WNK2: variants seen among roughly 807,000 people sequenced by gnomAD.
The protein encoded by WNK2 is WNK lysine deficient protein kinase 2, also known as serine/threonine-protein kinase WNK2.
WNK2 carries 67 observed loss-of-function variants against 192.1 expected under a neutral mutation model. The observed-to-expected ratio is 0.35, with a 90% CI of 0.29 to 0.43. The LOEUF (loss-of-function observed/expected upper bound fraction) is 0.43. Ranked by LOEUF, WNK2 falls within the 20% of genes least tolerant of loss-of-function variation. The pLI, the probability that WNK2 is intolerant of heterozygous loss-of-function variation, is 1.00. For synonymous variants in WNK2, 1,439 were observed against 1,393.9 expected, an observed-to-expected ratio of 1.03 and a Z score of -0.72; for missense variants, 2,698 against 3,089.7, an observed-to-expected ratio of 0.87 and a Z score of 3.01.
At chr9:93,199,227 C>T (rs969625380) in intron 2 of WNK2, among the ~76,000 whole-genome samples, 1 of 152,216 alleles carries the variant, frequency 6.6e-6, no homozygotes, top group African/African-American at 2.4e-5. Flanking sequence ...AGTGGGCCAC[C>T]TCTCTCCCAT....
intron 18 of WNK2, 35 bp from the exon 19 acceptor site, chr9:93,268,592 C>A (rs1281392868): frequency 1.3e-6 from 2 of 1,590,010 alleles, no homozygotes; most frequent in Non-Finnish European, 8.6e-7. Flanking sequence ...AAGGCGCTCA[C>A]TCACTCAGCG....
intron 29 of WNK2, among the ~76,000 whole-genome samples, chr9:93,320,109 G>A (rs974810297): frequency 1.3e-5 from 2 of 152,208 alleles, no homozygotes; most frequent in Non-Finnish European, 2.9e-5. Context: ...TGCTCCAGAC[G>A]GTACAGGAGC....
chr9:93,261,936 T>C lies in WNK2; in HGVS notation c.3189T>C (p.Pro1063=). 1.2e-6 allele frequency: 2 copies of C among 1,609,848 alleles called. No individual in the cohort carries two copies. The highest frequency in any genetic ancestry group is 1.7e-6 in the Non-Finnish European group (2 of 1,179,180). ...PLPEVLLPAA[P]ELLPQFPSSL... ...CGGAAGTGCTGCTGCCTGCCGCCCC[T>C]GAGCTCCTGCCTCAGTTCCCCAGCT... is the stretch of plus-strand genomic sequence containing the variant. The change falls in exon 13 of 30, where the codon CCT becomes CCC. Residue 1063 remains proline (P), a synonymous_variant. Transcript: ENST00000427277.
chr9:93,251,683 C>T (rs984718397), intron 8 of WNK2, among the ~76,000 whole-genome samples: 1 of 152,092 alleles, frequency 6.6e-6, no homozygotes, highest in Non-Finnish European at 1.5e-5. Flanking sequence ...GCACTCCAGT[C>T]CAGATGACAG....
intron 18 of WNK2, among the ~76,000 whole-genome samples, chr9:93,268,316 G>A (rs1010043813): frequency 6.6e-6 from 1 of 152,158 alleles, no homozygotes; most frequent in Non-Finnish European, 1.5e-5. Context: ...GAGCTTCGGG[G>A]GCTGCCAGTG....
chr9:93,264,952 C>G (rs900406604), intron 16 of WNK2, among the ~76,000 whole-genome samples: 5 of 152,242 alleles, frequency 3.3e-5, no homozygotes, highest in African/African-American at 1.2e-4. Context: ...GGCTGCATCC[C>G]CCTGGCCACC....
At chr9:93,233,001 G>A in intron 4 of WNK2, among the ~76,000 whole-genome samples, 1 of 146,908 alleles carries the variant, frequency 6.8e-6, no homozygotes, top group Admixed American at 6.8e-5. Context: ...GGGAAGGAAG[G>A]AAAGAGAGAG....
rs532511334 is a variant in WNK2 at position 93,276,498 on chromosome 9, A to G, written c.4033+7752A>G. Among the ~76,000 whole-genome samples, 9 of 152,368 alleles carry G rather than the reference A, an allele frequency of 5.9e-5. No homozygotes were observed. In the South Asian group the frequency reaches 1.9e-3, roughly 32 times the overall value. ...AGTTTTATAAGGAAACATTGGAGAA[A>G]AATCATTTTTGATCTGTGCCAGGCA... On this transcript the variant is annotated intron_variant, in intron 19 of 29. Coordinates refer to ENST00000427277, the MANE Select transcript of WNK2 (RefSeq NM_006648.4).
At position 93,185,604 on chromosome 9, in the gene WNK2, G is replaced by A; in HGVS notation, c.675G>A (p.Glu225=). ...TETWVEVAWC[E]LQDRKLTKLE... ...CCTGGGTGGAGGTGGCCTGGTGTGA[G>A]CTGCAGGTGAGGGTGCCCCAGCCCG... Residue 225 remains glutamate, a synonymous_variant, in exon 2 of 30, where the codon GAG becomes GAA. Transcript: ENST00000427277. The A allele has an allele frequency of 1.9e-6, 3 of 1,609,894 alleles. No individual in the cohort carries two copies. The highest frequency in any genetic ancestry group is 1.1e-5 in the South Asian group (1 of 90,506).
chr9:93,311,259 G>A (rs1457520597), intron 28 of WNK2, among the ~76,000 whole-genome samples: 2 of 152,156 alleles, frequency 1.3e-5, no homozygotes, highest in Non-Finnish European at 2.9e-5. Flanking sequence ...CCTTTCCTTT[G>A]AAGGCTGAGT....
chr9:93,209,409 C>T (rs897648778), intron 2 of WNK2, among the ~76,000 whole-genome samples: 6 of 152,208 alleles, frequency 3.9e-5, no homozygotes, highest in African/African-American at 1.2e-4. Context: ...CATGGAACAC[C>T]TCAGCCCTTG....
intron 7 of WNK2, among the ~76,000 whole-genome samples, chr9:93,241,130 G>A (rs1448785186): frequency 6.6e-6 from 1 of 152,260 alleles, no homozygotes; most frequent in African/African-American, 2.4e-5. Flanking sequence ...ACTGCTGCCT[G>A]AGAACCCTAG....
At chr9:93,297,260 G>C (rs529795534) in intron 23 of WNK2, among the ~76,000 whole-genome samples, 1 of 151,716 alleles carries the variant, frequency 6.6e-6, no homozygotes, top group South Asian at 2.1e-4. Context: ...TGCCTCGGCA[G>C]TTCTAGACTC....
Position 93,229,609 on chromosome 9 carries a change from A to C in WNK2, c.682-87A>C. 2.7e-6 allele frequency: 4 copies of C among 1,459,074 alleles called. No individual in the cohort carries two copies. The South Asian group carries it at 5.4e-5, about 20-fold the overall frequency. 90.4% of individuals were successfully genotyped at this position (1,459,074 alleles called of 1,614,324 possible). A position where few individuals can be genotyped will look rare whatever the true frequency, so the allele number is the denominator to read the frequency against. ...TGTGGGTATGGGAAGGGCTGGTCCT[A>C]CTGTGTGGCGCTGCTGGGATGTGAC... is the stretch of plus-strand genomic sequence containing the variant. On this transcript the variant is annotated intron_variant, in intron 2 of 29. Transcript: ENST00000427277. This position sits in a 1 kb window ranked among gnomAD's most constrained non-coding sequence, Gnocchi z 4.9.
chr9:93,244,070 G>T (rs1841249633), intron 7 of WNK2, among the ~76,000 whole-genome samples: 1 of 152,234 alleles, frequency 6.6e-6, no homozygotes, highest in South Asian at 2.1e-4. Flanking sequence ...TTCCAGCCTG[G>T]GTGGCAGAGC....
chr9:93,292,235 T>G, intron 21 of WNK2, 73 bp from the exon 22 acceptor site: 1 of 1,544,706 alleles, frequency 6.5e-7, no homozygotes, highest in Non-Finnish European at 8.9e-7. Context: ...TTGGGCTGCT[T>G]CGGGTCAGCT....
Position 93,277,017 on chromosome 9 carries a change from C to T in WNK2, c.4033+8271C>T, listed in dbSNP as rs1015128493. Among the ~76,000 whole-genome samples, 13 of 150,522 alleles carry T rather than the reference C, an allele frequency of 8.6e-5. No homozygotes were observed. In the East Asian group the frequency reaches 1.2e-3, roughly 14 times the overall value. ...GCCACTGCACTCAAGCCTGGGCGAACGAGCTAGACTCCGTCTCAAAAAAAA... is the reference window on the plus strand; with the variant it reads ...GCCACTGCACTCAAGCCTGGGCGAATGAGCTAGACTCCGTCTCAAAAAAAA... On this transcript the variant is annotated intron_variant, in intron 19 of 29. Coordinates refer to ENST00000427277, the MANE Select transcript of WNK2 (RefSeq NM_006648.4).
chr9:93,300,738 C>T (rs1004885134), intron 26 of WNK2, among the ~76,000 whole-genome samples: 3 of 152,176 alleles, frequency 2.0e-5, no homozygotes, highest in Admixed American at 1.3e-4. Context: ...ACACCCACCG[C>T]CCTGTGCCCT....
rs57811045 is a variant in WNK2 at position 93,224,557 on chromosome 9, C to T, written c.682-5139C>T. 1.1e-3 allele frequency among the ~76,000 whole-genome samples: 164 copies of T among 152,302 alleles called. 2 individuals are homozygous for T. The highest frequency in any genetic ancestry group is 3.4e-3 in the African/African-American group (140 of 41,562). On this transcript the variant is annotated intron_variant, in intron 2 of 29. Transcript: ENST00000427277. ...GCAGCCCTTGAGGGGCTTTGCTGCC[C>T]GGCTTGGAGGGTGCTGTCCTGCCTT...
Sources: gnomAD v4.1 joint callset for allele counts (sites outside exome capture counted in the v4.1 genomes callset) on GRCh38, gnomAD v4.1.1 for gene constraint, Gnocchi (gnomAD v3.1) non-coding constraint, MANE v1.5 for transcripts, NCBI Gene and HGNC (gene_info 2026-07-23, HGNC 2026-07-21) for gene names.